ANP32A: variants seen among roughly 807,000 people sequenced by gnomAD.
ANP32A encodes acidic leucine-rich nuclear phosphoprotein 32 family member A.
Under a neutral mutation model 33.9 loss-of-function variants are expected in ANP32A, and 1 was observed. The observed-to-expected ratio is 0.03, with a 90% confidence interval of 0.01 to 0.14. ANP32A has a LOEUF of 0.14. Among genes scored for constraint, ANP32A ranks in the 10% least tolerant of loss-of-function variants. The pLI, the probability that ANP32A is intolerant of heterozygous loss-of-function variation, is 1.00. For synonymous variants in ANP32A, 115 were observed against 120.5 expected (o/e 0.95, Z 0.30); for missense variants, 155 against 306.0 (o/e 0.51, Z 3.68).
rs116598211 is a variant in ANP32A, at chr15:68,793,271, G to A, written c.55-5352C>T. On this transcript the variant is annotated intron_variant, in intron 1 of 6. Coordinates refer to ENST00000465139, the MANE Select transcript of ANP32A (RefSeq NM_006305.4). ...ATATAGAGGTGAGTCAAACTGTCAT[G>A]AAACGTATTCAACAGTATGACGAAT... Among the ~76,000 whole-genome samples the A allele has an allele frequency of 5.9e-3, 896 of 152,292 alleles. 7 individuals are homozygous for A. The highest frequency in any genetic ancestry group is 0.02 in the African/African-American group (846 of 41,548).
In ANP32A at chr15:68,800,560, C is replaced by T. The variant is rs570618353; in HGVS notation, c.55-12641G>A. Among the ~76,000 whole-genome samples, 9 of 151,680 alleles carry T rather than the reference C, an allele frequency of 5.9e-5. No individual in the cohort carries two copies. The South Asian group carries it at 1.0e-3, about 18-fold the overall frequency. ...GAGATCAAGACCATTCTGGCTAACACGGTGAAACCCCGACTCTACTAAAAA... is the reference window on the plus strand; with the variant it reads ...GAGATCAAGACCATTCTGGCTAACATGGTGAAACCCCGACTCTACTAAAAA... On this transcript the variant is annotated intron_variant, in intron 1 of 6. Transcript: ENST00000465139.
intron 1 of ANP32A, among the ~76,000 whole-genome samples, chr15:68,808,015 C>A (rs898627710): frequency 2.0e-5 from 3 of 152,174 alleles, no homozygotes; most frequent in African/African-American, 7.2e-5. Context: ...TGAACAATCC[C>A]ATGGTGGTGG....
intron 1 of ANP32A, chr15:68,791,332 G>A (rs1596066359): frequency 6.6e-6 from 1 of 152,334 alleles, no homozygotes; most frequent in Non-Finnish European, 1.5e-5. Context: ...AAATAAATTT[G>A]TTACGCTCTT....
rs754128831 is a variant in ANP32A, at chr15:68,787,949, G to A, written c.55-30C>T. The A allele has an allele frequency of 6.8e-6, 11 of 1,613,568 alleles. No homozygotes were observed. In the African/African-American group the frequency reaches 1.5e-4, roughly 22 times the overall value. ...AAGAAGGCCCGACCGTGTGAGCGGG[G>A]CTGAGGAATGGGGCTGAAGCAGGGG... On this transcript the variant is annotated intron_variant, in intron 1 of 6. Transcript: ENST00000465139.
intron 1 of ANP32A, among the ~76,000 whole-genome samples, chr15:68,815,758 T>C (rs374279009): frequency 1.3e-5 from 2 of 152,340 alleles, no homozygotes; most frequent in East Asian, 1.9e-4. Flanking sequence ...AACCCGGCTG[T>C]GCCACCTACC....
chr15:68,788,184 G>A (rs1893956885), intron 1 of ANP32A, among the ~76,000 whole-genome samples: 1 of 152,166 alleles, frequency 6.6e-6, no homozygotes, highest in Admixed American at 6.5e-5. Flanking sequence ...CTCCAGACAG[G>A]GGCCTTGGCT....
At chr15:68,799,677 G>T (rs976428368) in intron 1 of ANP32A, among the ~76,000 whole-genome samples, 1 of 152,102 alleles carries the variant, frequency 6.6e-6, no homozygotes. Context: ...GATGGACCAG[G>T]GCTCCTTGGT....
At position 68,811,026 on chromosome 15, in the gene ANP32A, C is replaced by T. The variant is rs551032695; in HGVS notation, c.54+9672G>A. On this transcript the variant is annotated intron_variant, in intron 1 of 6. Transcript: ENST00000465139. The stretch of plus-strand genomic sequence containing the variant: ...AGTGAGCTGAGATCAAGCCACTGCG[C>T]ACTCCAACATGGGCCACAGAGTGAG... Among the ~76,000 whole-genome samples, 6 of 142,542 alleles carry T rather than the reference C, an allele frequency of 4.2e-5. No homozygotes were observed. In the South Asian group the frequency reaches 1.3e-3, roughly 32 times the overall value. The allele number at this position is 142,542 out of a possible 152,430, so 93.5% of individuals were successfully genotyped here.
intron 1 of ANP32A, among the ~76,000 whole-genome samples, chr15:68,799,008 G>T (rs1003112562): frequency 6.6e-6 from 1 of 152,184 alleles, no homozygotes; most frequent in Non-Finnish European, 1.5e-5. Flanking sequence ...TCTATCCAAG[G>T]CCACAAAACA....
rs188953359 is a variant in ANP32A at position 68,814,456 on chromosome 15, A to T, written c.54+6242T>A. Among the ~76,000 whole-genome samples, 5 of 147,532 alleles carry T rather than the reference A, an allele frequency of 3.4e-5. No individual in the cohort carries two copies. The East Asian group carries it at 9.9e-4, about 29-fold the overall frequency. ...AAGTCTCATACTGCTATGGGGAAAG[A>T]AAAAAAAAAAGAAAGATGGCCAACT... is the stretch of plus-strand genomic sequence containing the variant. On this transcript the variant is annotated intron_variant, in intron 1 of 6. Coordinates refer to ENST00000465139, the MANE Select transcript of ANP32A (RefSeq NM_006305.4).
chr15:68,783,056 G>A lies in ANP32A; in HGVS notation c.527-3C>T, dbSNP rs1415243027. On this transcript the variant is annotated splice_region_variant and splice_polypyrimidine_tract_variant and intron_variant, in intron 4 of 6. Coordinates refer to ENST00000465139, the MANE Select transcript of ANP32A (RefSeq NM_006305.4). ...AGCATCTTCATCATACTCCTCCTCT[G>A]TGCAATCGAAATGGGGAACGGAAAC... 1.3e-6 allele frequency: 2 copies of A among 1,551,592 alleles called. No homozygotes were observed. Among genetic ancestry groups the A allele is most frequent in the Non-Finnish European group, 1.7e-6 (2 of 1,147,008 alleles).
In ANP32A at chr15:68,779,934, G is replaced by C; in HGVS notation, c.*147C>G. 5 of 366,620 alleles carry C rather than the reference G, an allele frequency of 1.4e-5. No homozygotes were observed. The highest frequency in any genetic ancestry group is 2.3e-5 in the African/African-American group (1 of 44,372). The allele number at this position is 366,620 out of a possible 1,614,324, so 22.7% of individuals were successfully genotyped here. A position where few individuals can be genotyped will look rare whatever the true frequency, so the allele number is the denominator to read the frequency against. On this transcript the variant is annotated 3_prime_UTR_variant, in exon 7 of 7. Coordinates refer to ENST00000465139, the MANE Select transcript of ANP32A (RefSeq NM_006305.4). ...GCCATCCCTCCCCCCGCAACCCCCA[G>C]TACACTCTTCCCCTCTCGTTCCCAC...
chr15:68,811,009 G>T (rs1894303994), intron 1 of ANP32A, among the ~76,000 whole-genome samples: 2 of 146,202 alleles, frequency 1.4e-5, no homozygotes, highest in Non-Finnish European at 3.0e-5. Context: ...GCAGTGAGCT[G>T]AGATCAAGCC....
chr15:68,812,413 G>A (rs527870920), intron 1 of ANP32A, among the ~76,000 whole-genome samples: 1 of 152,206 alleles, frequency 6.6e-6, no homozygotes, highest in Non-Finnish European at 1.5e-5. Context: ...CTGGCACCAG[G>A]AACGTTGGAA....
At position 68,782,973 on chromosome 15, in the gene ANP32A, C is replaced by T. The variant is rs753775506; in HGVS notation, c.607G>A (p.Val203Met). ...CTCCTTACCTCCTCCTCTCCACTCACGTCCTCCTCTTCACCTTCCTCCTCC... is the reference window on the plus strand; with the variant it reads ...CTCCTTACCTCCTCCTCTCCACTCATGTCCTCCTCTTCACCTTCCTCCTCC... The part of the protein sequence containing the change: ...DEEEEGEEED[V>M]SGEEEEDEEG... Residue 203 changes from valine (V) to methionine (M), a missense_variant, in exon 5 of 7, where the codon GTG becomes ATG. Transcript: ENST00000465139. 16 of 1,551,858 alleles carry T rather than the reference C, an allele frequency of 1.0e-5. No homozygotes were observed. The highest frequency in any genetic ancestry group is 1.7e-4 in the Middle Eastern group (1 of 6,016).
chr15:68,806,858 T>A (rs1418061413), intron 1 of ANP32A, among the ~76,000 whole-genome samples: 2 of 152,244 alleles, frequency 1.3e-5, no homozygotes, highest in Non-Finnish European at 2.9e-5. Context: ...CAGCCCCCTG[T>A]GCCAGAACAG....
chr15:68,793,731 G>A (rs752614284), intron 1 of ANP32A, among the ~76,000 whole-genome samples: 1 of 152,156 alleles, frequency 6.6e-6, no homozygotes, highest in Non-Finnish European at 1.5e-5. Context: ...AGCCAGGACT[G>A]GCTTAGAGGG....
At chr15:68,819,639 TG>T (rs1422382080) in intron 1 of ANP32A, among the ~76,000 whole-genome samples, 1 of 152,182 alleles carries the variant, frequency 6.6e-6, no homozygotes, top group African/African-American at 2.4e-5. Context: ...GCCGAATGGC[TG>T]CCGACAAGCC....
At chr15:68,783,487 G>A (rs778744502) in intron 4 of ANP32A, among the ~76,000 whole-genome samples, 4 of 152,150 alleles carry the variant, frequency 2.6e-5, no homozygotes, top group Non-Finnish European at 4.4e-5. Flanking sequence ...ACCTGGTCCC[G>A]GGACTGCCAG....
Sources: gnomAD v4.1 joint callset for allele counts (sites outside exome capture counted in the v4.1 genomes callset) on GRCh38, gnomAD v4.1.1 for gene constraint, MANE v1.5 for transcripts, NCBI Gene and HGNC (gene_info 2026-07-23, HGNC 2026-07-21) for gene names.